Variants in GSG1L observed in about 807,000 individuals in gnomAD.
The protein encoded by GSG1L is germ cell-specific gene 1-like protein.
A neutral mutation model predicts 42.1 loss-of-function variants in GSG1L; 24 were observed. The ratio of observed to expected loss-of-function variants is 0.57; its 90% CI spans 0.41 to 0.80. The LOEUF is 0.80. Among genes scored for constraint, GSG1L ranks in the 30% least tolerant of loss-of-function variants. GSG1L has a pLI of 0.00. For synonymous variants in GSG1L, 215 were observed against 203.5 expected (o/e 1.06, Z -0.48); for missense variants, 445 against 472.2 (o/e 0.94, Z 0.53).
At chr16:28,028,757 G>A (rs537536072) in intron 1 of GSG1L, among the ~76,000 whole-genome samples, 5 of 152,240 alleles carry the variant, frequency 3.3e-5, no homozygotes, top group African/African-American at 4.8e-5. Flanking sequence ...CCTCAGGCTC[G>A]GGGCAGATCA....
chr16:28,029,327 C>T (rs2085931292), intron 1 of GSG1L, among the ~76,000 whole-genome samples: 1 of 152,196 alleles, frequency 6.6e-6, no homozygotes, highest in African/African-American at 2.4e-5. Context: ...AAACTGCTGA[C>T]ACCAGACTGA....
chr16:28,050,520 C>T (rs1319042577), intron 1 of GSG1L, among the ~76,000 whole-genome samples: 5 of 152,198 alleles, frequency 3.3e-5, no homozygotes. Flanking sequence ...CCACTGCACC[C>T]AGCTAGGAGG....
chr16:27,795,673 T>C (rs556793941), intron 6 of GSG1L, among the ~76,000 whole-genome samples: 1 of 152,290 alleles, frequency 6.6e-6, no homozygotes, highest in South Asian at 2.1e-4. Flanking sequence ...AAGGCCCCAC[T>C]CAGAGCGTGG....
chr16:27,941,178 G>T (rs1037049474), intron 2 of GSG1L, among the ~76,000 whole-genome samples: 9 of 151,996 alleles, frequency 5.9e-5, no homozygotes, highest in African/African-American at 2.2e-4. Flanking sequence ...TAAAACTTCT[G>T]CATCAAAGGA....
At chr16:27,907,676 T>C (rs2084335594) in intron 2 of GSG1L, among the ~76,000 whole-genome samples, 1 of 152,224 alleles carries the variant, frequency 6.6e-6, no homozygotes, top group Non-Finnish European at 1.5e-5. Context: ...CAATTAACCT[T>C]TCTGCAGAGG....
chr16:27,891,658 A>G (rs2084127744), intron 2 of GSG1L, among the ~76,000 whole-genome samples: 1 of 151,874 alleles, frequency 6.6e-6, no homozygotes, highest in African/African-American at 2.4e-5. Flanking sequence ...TGTTTTGTAG[A>G]GACAGGGTCT....
At chr16:27,823,967 A>C (rs2083178373) in intron 5 of GSG1L, 2 of 702,712 alleles carry the variant, frequency 2.8e-6, no homozygotes. Flanking sequence ...CATCGCAGAA[A>C]TTAACTGAGT....
chr16:27,875,546 T>A (rs748019373), intron 3 of GSG1L, among the ~76,000 whole-genome samples: 3 of 152,180 alleles, frequency 2.0e-5, no homozygotes, highest in Non-Finnish European at 4.4e-5. Flanking sequence ...GTGGACACTC[T>A]GATAATTTGA....
At chr16:27,971,230 A>G (rs1469200949) in intron 1 of GSG1L, among the ~76,000 whole-genome samples, 1 of 152,206 alleles carries the variant, frequency 6.6e-6, no homozygotes, top group African/African-American at 2.4e-5. Flanking sequence ...AATGGGACCA[A>G]TTTGGGAAGT....
At chr16:27,954,542 T>G (rs1218616180) in intron 2 of GSG1L, among the ~76,000 whole-genome samples, 1 of 152,184 alleles carries the variant, frequency 6.6e-6, no homozygotes, top group African/African-American at 2.4e-5. Flanking sequence ...TGCTGATGGC[T>G]GAGTTTATTA....
intron 1 of GSG1L, among the ~76,000 whole-genome samples, chr16:27,999,528 T>G (rs1413737532): frequency 6.6e-6 from 1 of 152,206 alleles, no homozygotes; most frequent in Non-Finnish European, 1.5e-5. Flanking sequence ...CCCTGGCCCA[T>G]CATGGGAACT....
rs189799189 is a variant in GSG1L at position 27,823,198 on chromosome 16, T to C, written c.830+5591A>G. On this transcript the variant is annotated intron_variant, in intron 5 of 6. Transcript: ENST00000447459. ...GAGGGGACGACAGGCAGGGTGACGC[T>C]GGGAGGGTTTAATTCCAGATGTTTC... 5.9e-3 allele frequency among the ~76,000 whole-genome samples: 904 copies of C among 152,086 alleles called. 10 individuals carry two copies. The highest frequency in any genetic ancestry group is 0.021 in the African/African-American group (868 of 41,494).
chr16:28,007,613 G>A (rs966496025), intron 1 of GSG1L, among the ~76,000 whole-genome samples: 29 of 151,998 alleles, frequency 1.9e-4, no homozygotes, highest in African/African-American at 7.0e-4. Context: ...CCCAGGCTCA[G>A]GTGATCCTGC....
intron 6 of GSG1L, among the ~76,000 whole-genome samples, chr16:27,800,230 A>G (rs1417342625): frequency 1.3e-5 from 2 of 152,206 alleles, no homozygotes; most frequent in Non-Finnish European, 2.9e-5. Flanking sequence ...GCAGGACTCT[A>G]TTGGATTTGA....
intron 1 of GSG1L, among the ~76,000 whole-genome samples, chr16:28,034,249 CAT>C (rs2086005424): frequency 1.4e-5 from 2 of 145,490 alleles, no homozygotes; most frequent in Non-Finnish European, 3.0e-5. Flanking sequence ...CATCCCATCC[CAT>C]CCCATCCCAT....
chr16:27,877,181 A>G (rs1744413685), intron 3 of GSG1L, among the ~76,000 whole-genome samples: 2 of 152,126 alleles, frequency 1.3e-5, no homozygotes, highest in South Asian at 4.1e-4. Flanking sequence ...TCTCGACCGA[A>G]GTCACAAGAC....
At chr16:27,908,238 C>T (rs930432626) in intron 2 of GSG1L, among the ~76,000 whole-genome samples, 1 of 152,216 alleles carries the variant, frequency 6.6e-6, no homozygotes, top group Non-Finnish European at 1.5e-5. Context: ...TGAGGCTGGC[C>T]TAGGTCAGCC....
At chr16:27,980,901 C>CAAAAAAAAAAAAAAA (rs11390148) in intron 1 of GSG1L, among the ~76,000 whole-genome samples, 12 of 127,008 alleles carry the variant, frequency 9.4e-5, no homozygotes, top group Non-Finnish European at 8.3e-5. Flanking sequence ...AACCAAAAAA[C>CAAAAAAAAAAAAAAA]AAAAAAAAAA....
intron 1 of GSG1L, among the ~76,000 whole-genome samples, chr16:27,978,474 C>T (rs1474734972): frequency 2.0e-5 from 3 of 151,788 alleles, no homozygotes; most frequent in Non-Finnish European, 4.4e-5. Context: ...GGGCGGATCA[C>T]GAGGTCAGGA....
Sources: allele counts gnomAD v4.1 joint callset (sites outside exome capture counted in the v4.1 genomes callset), GRCh38; gene constraint gnomAD v4.1.1; transcripts MANE v1.5; gene names NCBI Gene and HGNC (gene_info 2026-07-23, HGNC 2026-07-21).